Variants in PTPRM observed in about 807,000 individuals in gnomAD.
PTPRM encodes the protein protein tyrosine phosphatase receptor type M, also known as receptor-type tyrosine-protein phosphatase mu.
PTPRM carries 47 observed loss-of-function variants against 186.7 expected under a neutral mutation model. The ratio of observed to expected loss-of-function variants is 0.25; its 90% CI spans 0.20 to 0.32. The LOEUF is 0.32. Ranked by LOEUF, PTPRM falls within the 10% of genes least tolerant of loss-of-function variation. The pLI is 1.00. For missense variants in PTPRM, 1,494 were observed against 1,865.0 expected (o/e 0.80, Z 3.66); for synonymous variants, 668 against 674.9 (o/e 0.99, Z 0.16).
intron 1 of PTPRM, among the ~76,000 whole-genome samples, chr18:7,719,372 T>C (rs1024769001): frequency 1.4e-5 from 2 of 139,296 alleles, no homozygotes; most frequent in African/African-American, 2.7e-5. Context: ...TAATGGACTT[T>C]GGGGACGTGG....
chr18:7,850,464 T>C (rs1287730242), intron 2 of PTPRM, among the ~76,000 whole-genome samples: 2 of 152,196 alleles, frequency 1.3e-5, no homozygotes, highest in Non-Finnish European at 2.9e-5. Context: ...GAGCAACTTT[T>C]CCCATTCAGG....
intron 20 of PTPRM, among the ~76,000 whole-genome samples, chr18:8,310,339 C>G (rs944620144): frequency 2.0e-5 from 3 of 151,660 alleles, no homozygotes; most frequent in Non-Finnish European, 4.4e-5. Flanking sequence ...AAATGAAGCA[C>G]GCCCCTGCCT....
At chr18:7,631,483 C>A (rs191282133) in intron 1 of PTPRM, among the ~76,000 whole-genome samples, 1 of 149,378 alleles carries the variant, frequency 6.7e-6, no homozygotes, top group Admixed American at 6.7e-5. Context: ...CACGATATGC[C>A]GGGGGATTAA....
At chr18:8,030,691 T>C (rs1456023763) in intron 7 of PTPRM, among the ~76,000 whole-genome samples, 1 of 152,252 alleles carries the variant, frequency 6.6e-6, no homozygotes, top group African/African-American at 2.4e-5. Context: ...TCAAAATGTA[T>C]GTGAAGTAGC....
chr18:7,926,167 T>G (rs1401864564), intron 4 of PTPRM, among the ~76,000 whole-genome samples: 1 of 152,234 alleles, frequency 6.6e-6, no homozygotes, highest in Admixed American at 6.5e-5. Flanking sequence ...TCATTTAACT[T>G]CTTACTGTTC....
intron 1 of PTPRM, among the ~76,000 whole-genome samples, chr18:7,761,473 T>C (rs1488276524): frequency 1.3e-5 from 2 of 152,144 alleles, no homozygotes; most frequent in African/African-American, 2.4e-5. Flanking sequence ...TGTTGACTTA[T>C]GCTGAGGTCT....
chr18:7,947,528 A>G (rs985574610), intron 5 of PTPRM, among the ~76,000 whole-genome samples: 6 of 152,208 alleles, frequency 3.9e-5, no homozygotes, highest in African/African-American at 1.4e-4. Flanking sequence ...CTATGAATGT[A>G]AACATTTTAA....
At chr18:7,987,490 G>A (rs2083025860) in intron 7 of PTPRM, among the ~76,000 whole-genome samples, 1 of 152,138 alleles carries the variant, frequency 6.6e-6, no homozygotes, top group South Asian at 2.1e-4. Context: ...AATGTTTCTT[G>A]GCAGGCTCCC....
At chr18:8,245,720 G>C (rs2094471280) in intron 15 of PTPRM, among the ~76,000 whole-genome samples, 1 of 152,150 alleles carries the variant, frequency 6.6e-6, no homozygotes, top group Non-Finnish European at 1.5e-5. Context: ...TCATTTTGCA[G>C]TATAACCCAT....
At position 7,772,343 on chromosome 18, in the gene PTPRM, TTCTTTC is replaced by T. The variant is rs771495061; in HGVS notation, c.74-1798_74-1793del. ...TCCCTTCGTTCTTTCTTTTCTTTCT[TTCTTTC>T]TCTTTCTTTCTTTCTTTCTTTCTTT... On this transcript the variant is annotated intron_variant, in intron 1 of 32. Coordinates refer to ENST00000580170, the MANE Select transcript of PTPRM (RefSeq NM_001105244.2). Among the ~76,000 whole-genome samples the T allele has an allele frequency of 7.9e-3, 1,056 of 134,382 alleles. 17 individuals carry two copies. Among genetic ancestry groups the T allele is most frequent in the Non-Finnish European group, 0.013 (756 of 59,698 alleles). The allele number at this position is 134,382 out of a possible 152,430, so 88.2% of individuals were successfully genotyped here.
intron 5 of PTPRM, among the ~76,000 whole-genome samples, chr18:7,937,530 G>A (rs955782434): frequency 5.3e-5 from 8 of 152,206 alleles, no homozygotes; most frequent in African/African-American, 1.4e-4. Context: ...AATCCAGGCC[G>A]GTAGTGTCAG....
In PTPRM at chr18:7,901,639, C is replaced by T. The variant is rs546932009; in HGVS notation, c.469-4866C>T. On this transcript the variant is annotated intron_variant, in intron 3 of 32. Transcript: ENST00000580170. ...TTGGCCTCCCAAAGTGCTGGGATTA[C>T]AGGCATGAACCACTGTGCCTGGCCT... Among the ~76,000 whole-genome samples the T allele has an allele frequency of 2.6e-5, 4 of 152,276 alleles. No individual in the cohort carries two copies. The East Asian group carries it at 7.7e-4, about 29-fold the overall frequency.
At chr18:7,937,911 G>T (rs1358167890) in intron 5 of PTPRM, among the ~76,000 whole-genome samples, 2 of 152,074 alleles carry the variant, frequency 1.3e-5, no homozygotes, top group African/African-American at 4.8e-5. Flanking sequence ...ACTCTGCATG[G>T]GTGACTCCTG....
chr18:8,257,413 T>C (rs2094584854), intron 19 of PTPRM, among the ~76,000 whole-genome samples: 1 of 152,168 alleles, frequency 6.6e-6, no homozygotes, highest in Admixed American at 6.5e-5. Flanking sequence ...AAGACTCAAA[T>C]AGCCTGAGTC....
chr18:8,050,165 T>C (rs1038977833), intron 7 of PTPRM, among the ~76,000 whole-genome samples: 1 of 152,162 alleles, frequency 6.6e-6, no homozygotes, highest in African/African-American at 2.4e-5. Context: ...AGATATTAAT[T>C]TTGGAGGGAG....
At chr18:8,261,684 G>A (rs2094633129) in intron 19 of PTPRM, among the ~76,000 whole-genome samples, 1 of 152,072 alleles carries the variant, frequency 6.6e-6, no homozygotes, top group African/African-American at 2.4e-5. Flanking sequence ...CCTTGCCTCT[G>A]ATGACATCAT....
chr18:7,854,415 A>G (rs998870768), intron 2 of PTPRM, among the ~76,000 whole-genome samples: 5 of 152,094 alleles, frequency 3.3e-5, no homozygotes, highest in South Asian at 2.1e-4. Context: ...TCAATTTTCT[A>G]TGTAAAATCT....
chr18:7,904,645 CAG>C (rs999599949), intron 3 of PTPRM, among the ~76,000 whole-genome samples: 1 of 152,158 alleles, frequency 6.6e-6, no homozygotes, highest in African/African-American at 2.4e-5. Context: ...GGATGGACCA[CAG>C]TGTATTATTT....
chr18:8,271,017 A>G (rs1458250233), intron 19 of PTPRM, among the ~76,000 whole-genome samples: 1 of 152,178 alleles, frequency 6.6e-6, no homozygotes, highest in East Asian at 1.9e-4. Context: ...CACCACACAC[A>G]CAAAAGTAAC....
Sources: allele counts gnomAD v4.1 joint callset (sites outside exome capture counted in the v4.1 genomes callset), GRCh38; gene constraint gnomAD v4.1.1; transcripts MANE v1.5; gene names NCBI Gene and HGNC (gene_info 2026-07-23, HGNC 2026-07-21).